The following TBCD variants were observed in gnomAD, a reference collection of about 807,000 sequenced individuals.
TBCD encodes tubulin folding cofactor D, also known as tubulin-specific chaperone D.
In TBCD, 105 loss-of-function variants were observed where a neutral mutation model predicts 169.3. The ratio of observed to expected loss-of-function variants is 0.62; its 90% CI spans 0.53 to 0.73. The LOEUF (loss-of-function observed/expected upper bound fraction) is 0.73, where lower values mean the gene tolerates loss of function less well. TBCD is among the 30% of genes least tolerant of loss of function. The probability of loss-of-function intolerance (pLI) is 0.00; values close to 1 mark genes in which losing one functional copy is unlikely to be tolerated. For synonymous variants in TBCD, 700 were observed against 643.9 expected (o/e 1.09, Z -1.32); for missense variants, 1,444 against 1,600.1 (o/e 0.90, Z 1.66).
Position 82,938,057 on chromosome 17 carries a change from A to G in TBCD, c.3290A>G (p.Glu1097Gly), listed in dbSNP as rs3785522. ...TGTGCTGCTCCCGGCAGGTTCTGCG[A>G]GATGGTGCAGTTCCCCGGCGACGTG... ...KLLSGIAVFC[E>G]MVQFPGDVRR... Residue 1097 changes from glutamate to glycine, a missense_variant, in exon 36 of 39, where the codon GAG becomes GGG. Coordinates refer to ENST00000355528, the MANE Select transcript of TBCD (RefSeq NM_005993.5). 0.84 allele frequency: 1,352,537 copies of G among 1,612,896 alleles called. 569,254 individuals carry two copies. Among genetic ancestry groups the G allele is most frequent in the African/African-American group, 0.96 (72,286 of 75,042 alleles).
At chr17:82,840,242 TGCTGCCTGGACGGCCATATGTCAGA>T (rs2054355508) in intron 13 of TBCD, 1 of 152,262 alleles carries the variant, frequency 6.6e-6, no homozygotes, top group East Asian at 1.9e-4. Context: ...GCGGCGTCGG[TGCTGCCTGGACGGCCATATGTCAGA>T]GGGCTTTCGA....
chr17:82,914,013 T>G (rs1184341885), intron 23 of TBCD: 2 of 152,272 alleles, frequency 1.3e-5, no homozygotes, highest in African/African-American at 4.8e-5. Context: ...GGGTTCTAGT[T>G]GGGCTTTTTG....
intron 15 of TBCD, among the ~76,000 whole-genome samples, chr17:82,887,166 T>TGTGTGTGTGTGTGC (rs1555632325): frequency 1.8e-5 from 2 of 109,042 alleles, no homozygotes; most frequent in Admixed American, 8.6e-5. Context: ...TGTGTGTGTG[T>TGTGTGTGTGTGTGC]GTGCGCGCGC....
intron 24 of TBCD, 184 bp from the exon 25 acceptor site, chr17:82,921,317 C>T (rs561248789): frequency 9.9e-6 from 6 of 607,900 alleles, no homozygotes; most frequent in Non-Finnish European, 1.8e-5. Context: ...ATTTAACAGC[C>T]ATGAGAGGAA....
At position 82,880,188 on chromosome 17, in the gene TBCD, T is replaced by G. The variant is rs762871116; in HGVS notation, c.1476-3957T>G. ...ATTTATCTCCTTACCTGTCTACTTA[T>G]CAGTCTGTCTAGATGGGGTCTCGCT... On this transcript the variant is annotated intron_variant, in intron 14 of 38. Coordinates refer to ENST00000355528, the MANE Select transcript of TBCD (RefSeq NM_005993.5). This position sits in a 1 kb window ranked among gnomAD's most constrained non-coding sequence, Gnocchi z 5.0. 6.6e-6 allele frequency among the ~76,000 whole-genome samples: 1 copy of G among 152,226 alleles called. No individual in the cohort carries two copies.
intron 6 of TBCD, among the ~76,000 whole-genome samples, chr17:82,774,293 A>G (rs1022303423): frequency 5.9e-5 from 9 of 152,160 alleles, no homozygotes; most frequent in Non-Finnish European, 1.3e-4. Flanking sequence ...TTAACAAAGC[A>G]CATCTTGCAC....
At chr17:82,886,098 C>T (rs1402961311) in intron 15 of TBCD, 4 of 152,308 alleles carry the variant, frequency 2.6e-5, no homozygotes, top group Non-Finnish European at 5.9e-5. Flanking sequence ...TCCTGTCCCT[C>T]CTTGGGGCTG....
intron 8 of TBCD, among the ~76,000 whole-genome samples, chr17:82,799,308 T>A (rs2050324000): frequency 6.6e-6 from 1 of 151,828 alleles, no homozygotes; most frequent in African/African-American, 2.4e-5. Context: ...CTGGGCATGG[T>A]GGCACATGCC....
In TBCD at chr17:82,884,128, C is replaced by A; in HGVS notation, c.1476-17C>A. On this transcript the variant is annotated splice_polypyrimidine_tract_variant and intron_variant, in intron 14 of 38. Transcript: ENST00000355528. This position sits in a 1 kb window ranked among gnomAD's most constrained non-coding sequence, Gnocchi z 4.2. ...TTGCAGAATTTCTTTTTAATTAATCCTTTCTCTTTTTCACAGTGCACTGGT... is the reference window on the plus strand; with the variant it reads ...TTGCAGAATTTCTTTTTAATTAATCATTTCTCTTTTTCACAGTGCACTGGT... The A allele has an allele frequency of 6.3e-7, 1 of 1,598,566 alleles. No homozygotes were observed. Among genetic ancestry groups the A allele is most frequent in the East Asian group, 2.2e-5 (1 of 44,472 alleles).
intron 7 of TBCD, among the ~76,000 whole-genome samples, chr17:82,787,183 G>C (rs751313061): frequency 7.9e-5 from 12 of 152,224 alleles, no homozygotes; most frequent in Non-Finnish European, 1.3e-4. Flanking sequence ...TGCTGGCAAA[G>C]AGTGAGGCGT....
chr17:82,831,368 A>C lies in TBCD; in HGVS notation c.1318+16434A>C. The C allele has an allele frequency of 6.2e-7, 1 of 1,614,072 alleles. No individual in the cohort carries two copies. The highest frequency in any genetic ancestry group is 2.2e-5 in the East Asian group (1 of 44,886). On this transcript the variant is annotated intron_variant, in intron 13 of 38. Transcript: ENST00000355528. This position sits in a 1 kb window ranked among gnomAD's most constrained non-coding sequence, Gnocchi z 4.6. ...TTGGGGTCCGAAGGGTTTAACCTGG[A>C]AGGACTCGAGGCTGGATAGACCAGG...
At chr17:82,821,724 C>T (rs1167278176) in intron 13 of TBCD, among the ~76,000 whole-genome samples, 1 of 152,114 alleles carries the variant, frequency 6.6e-6, no homozygotes, top group Non-Finnish European at 1.5e-5. Context: ...TCTAACCTTC[C>T]TGCAACTTTC....
At chr17:82,799,402 C>A in intron 8 of TBCD, among the ~76,000 whole-genome samples, 1 of 131,670 alleles carries the variant, frequency 7.6e-6, no homozygotes, top group Non-Finnish European at 1.5e-5. Context: ...GAGATCGCGC[C>A]ACAGCACTCT....
intron 14 of TBCD, among the ~76,000 whole-genome samples, chr17:82,879,341 C>T (rs1046237010): frequency 5.3e-5 from 8 of 152,166 alleles, no homozygotes; most frequent in Non-Finnish European, 1.2e-4. Flanking sequence ...TCCTGGCCTC[C>T]CTTCGTGTGC....
intron 13 of TBCD, among the ~76,000 whole-genome samples, chr17:82,863,960 G>C (rs1027981409): frequency 8.5e-5 from 13 of 152,252 alleles, no homozygotes; most frequent in Admixed American, 7.2e-4. Flanking sequence ...CGTGCAGTCA[G>C]TGACAGCTGA....
In TBCD at chr17:82,814,805, G is replaced by A. The variant is rs370253954; in HGVS notation, c.1224-35G>A. ...TGGGCTTTGAACCAAAAGCTGACACGTGGGCTGTGGTCTCAGGATCTTTGT... is the reference window on the plus strand; with the variant it reads ...TGGGCTTTGAACCAAAAGCTGACACATGGGCTGTGGTCTCAGGATCTTTGT... On this transcript the variant is annotated intron_variant, in intron 12 of 38. Transcript: ENST00000355528. The A allele has an allele frequency of 4.5e-5, 72 of 1,608,298 alleles. No individual in the cohort carries two copies. The Middle Eastern group carries it at 5.0e-4, about 11-fold the overall frequency.
chr17:82,836,748 C>G (rs1227851491), intron 13 of TBCD, among the ~76,000 whole-genome samples: 1 of 151,976 alleles, frequency 6.6e-6, no homozygotes, highest in African/African-American at 2.4e-5. Context: ...CCCACAAAAC[C>G]CGTGTTGGTT....
intron 13 of TBCD, among the ~76,000 whole-genome samples, chr17:82,845,955 C>T (rs903077069): frequency 1.3e-5 from 2 of 152,242 alleles, no homozygotes; most frequent in African/African-American, 4.8e-5. Flanking sequence ...GCGGAAAATC[C>T]ACAGGCCTGG....
intron 13 of TBCD, among the ~76,000 whole-genome samples, chr17:82,828,091 G>A (rs965704460): frequency 7.3e-6 from 1 of 137,004 alleles, no homozygotes; most frequent in Non-Finnish European, 1.5e-5. Flanking sequence ...ACAATCGAAT[G>A]CACACCCCCC....
Sources: gnomAD v4.1 joint callset for allele counts (sites outside exome capture counted in the v4.1 genomes callset) on GRCh38, gnomAD v4.1.1 for gene constraint, Gnocchi (gnomAD v3.1) non-coding constraint, MANE v1.5 for transcripts, NCBI Gene and HGNC (gene_info 2026-07-23, HGNC 2026-07-21) for gene names.